Variants in RB1 observed in about 807,000 individuals in gnomAD.
The protein encoded by RB1 is RB transcriptional corepressor 1, also known as retinoblastoma-associated protein.
Under a neutral mutation model 135.4 loss-of-function variants are expected in RB1, and 18 were observed. That is an observed-to-expected ratio of 0.13 (90% CI 0.09 to 0.20). The LOEUF is 0.20. Among genes scored for constraint, RB1 ranks in the 10% least tolerant of loss-of-function variants. The pLI, the probability that RB1 is intolerant of heterozygous loss-of-function variation, is 1.00. For synonymous variants in RB1, 365 were observed against 373.2 expected, an observed-to-expected ratio of 0.98 and a Z score of 0.25; for missense variants, 868 against 1,110.0, an observed-to-expected ratio of 0.78 and a Z score of 3.10.
intron 2 of RB1, among the ~76,000 whole-genome samples, chr13:48,320,837 G>GAAAAAA (rs531135502): frequency 9.2e-6 from 1 of 108,898 alleles, no homozygotes; most frequent in Non-Finnish European, 2.0e-5. Flanking sequence ...TCTCAAAAAA[G>GAAAAAA]AAAAAAAAAA....
chr13:48,322,761 G>T (rs1346859392), intron 2 of RB1, among the ~76,000 whole-genome samples: 2 of 152,094 alleles, frequency 1.3e-5, no homozygotes, highest in African/African-American at 4.8e-5. Flanking sequence ...TGATTTTTCT[G>T]CTTCTATTGA....
Position 48,320,003 on chromosome 13 carries a change from G to A in RB1, c.264+12597G>A, listed in dbSNP as rs1952220525. On this transcript the variant is annotated intron_variant, in intron 2 of 26. Transcript: ENST00000267163. The stretch of plus-strand genomic sequence containing the variant: ...TCTACTGCCACTGCCTGCAGCCCTG[G>A]AAGGCTGGGCTGCGCCTGGCTGGCC... 4 of 434,142 alleles carry A rather than the reference G, an allele frequency of 9.2e-6. No individual in the cohort carries two copies. In the Admixed American group the frequency reaches 1.3e-4, roughly 14 times the overall value. 26.9% of individuals were successfully genotyped at this position (434,142 alleles called of 1,614,324 possible).
intron 9 of RB1, among the ~76,000 whole-genome samples, chr13:48,366,944 C>T (rs1193519716): frequency 6.6e-6 from 1 of 151,912 alleles, no homozygotes; most frequent in Admixed American, 6.6e-5. Flanking sequence ...CATGGCGAAA[C>T]CCCGTCTCTA....
chr13:48,396,623 C>G (rs1468007324), intron 17 of RB1, among the ~76,000 whole-genome samples: 1 of 152,136 alleles, frequency 6.6e-6, no homozygotes, highest in Non-Finnish European at 1.5e-5. Flanking sequence ...AAAGCAATGG[C>G]AACAAAAGCC....
intron 2 of RB1, among the ~76,000 whole-genome samples, chr13:48,326,036 A>G (rs1035968760): frequency 2.6e-5 from 4 of 151,954 alleles, no homozygotes; most frequent in African/African-American, 7.3e-5. Context: ...TTCTCTATCC[A>G]TTGCACTCTA....
chr13:48,401,356 CAAA>C (rs1193315388), intron 17 of RB1: 4 of 152,016 alleles, frequency 2.6e-5, no homozygotes, highest in Non-Finnish European at 5.9e-5. Flanking sequence ...ATGCAAGAAA[CAAA>C]GAAGAGAAAT....
chr13:48,432,015 A>T (rs1276324322), intron 17 of RB1, among the ~76,000 whole-genome samples: 2 of 152,200 alleles, frequency 1.3e-5, no homozygotes, highest in Admixed American at 1.3e-4. Context: ...TGGAGAAGAC[A>T]ATCAATAAAT....
intron 2 of RB1, chr13:48,320,303 C>G: frequency 8.1e-7 from 1 of 1,240,434 alleles, no homozygotes; most frequent in Non-Finnish European, 1.2e-6. Flanking sequence ...CGAGCAACCC[C>G]GCTGCGCTGC....
rs4151421 is a variant in RB1 at position 48,305,600 on chromosome 13, C to A, written c.137+1551C>A. Among the ~76,000 whole-genome samples the A allele has an allele frequency of 5.5e-3, 836 of 152,250 alleles. 5 individuals carry two copies. Among genetic ancestry groups the A allele is most frequent in the Middle Eastern group, 0.01 (3 of 294 alleles). Reference sequence around the variant, plus strand: ...CTGCTTGGAAAAAAGAGGACTGTTTCTTTCATTTTTTAACTCATTTTATAT... The same window carrying A: ...CTGCTTGGAAAAAAGAGGACTGTTTATTTCATTTTTTAACTCATTTTATAT... On this transcript the variant is annotated intron_variant, in intron 1 of 26. Coordinates refer to ENST00000267163, the MANE Select transcript of RB1 (RefSeq NM_000321.3).
intron 17 of RB1, among the ~76,000 whole-genome samples, chr13:48,420,100 G>C (rs1010096925): frequency 6.6e-6 from 1 of 152,092 alleles, no homozygotes; most frequent in Non-Finnish European, 1.5e-5. Flanking sequence ...GAAAATTTCG[G>C]CCAATATCCT....
intron 17 of RB1, among the ~76,000 whole-genome samples, chr13:48,434,571 C>G (rs1031430058): frequency 3.9e-5 from 6 of 152,132 alleles, no homozygotes; most frequent in Non-Finnish European, 8.8e-5. Flanking sequence ...TTTAACCCTA[C>G]AGCCGAGACT....
chr13:48,342,785 A>G, intron 3 of RB1, 71 bp downstream of exon 3: 2 of 1,078,226 alleles, frequency 1.9e-6, no homozygotes, highest in Non-Finnish European at 2.8e-6. Context: ...CTCTCAATAG[A>G]CTTTTGTGAA....
chr13:48,372,387 G>A (rs1371732325), intron 11 of RB1, among the ~76,000 whole-genome samples: 6 of 152,212 alleles, frequency 3.9e-5, no homozygotes, highest in African/African-American at 1.4e-4. Flanking sequence ...GAGGCTGGGT[G>A]TGGTGGCTCA....
chr13:48,320,377 T>C, intron 2 of RB1: 1 of 1,208,224 alleles, frequency 8.3e-7, no homozygotes. Context: ...CTCGTCAGCC[T>C]CCGAGAAGCA....
intron 1 of RB1, among the ~76,000 whole-genome samples, chr13:48,306,003 C>T (rs1350329003): frequency 3.3e-5 from 5 of 152,172 alleles, no homozygotes; most frequent in African/African-American, 7.2e-5. Flanking sequence ...GGTGTGATGG[C>T]GCGTACCTGT....
chr13:48,358,483 G>A (rs1308737667), intron 6 of RB1, among the ~76,000 whole-genome samples: 3 of 152,054 alleles, frequency 2.0e-5, no homozygotes, highest in Admixed American at 6.6e-5. Context: ...AGGAGGTAAG[G>A]GAGAAAGTAG....
chr13:48,376,926 A>G lies in RB1; in HGVS notation c.1224A>G (p.Thr408=), dbSNP rs371805499. 1.3e-5 allele frequency: 21 copies of G among 1,613,574 alleles called. No homozygotes were observed. In the African/African-American group the frequency reaches 2.8e-4, roughly 22 times the overall value. The change falls in exon 13 of 27, where the codon ACA becomes ACG. Residue 408 remains threonine, a synonymous_variant. Coordinates refer to ENST00000267163, the MANE Select transcript of RB1 (RefSeq NM_000321.3). ...ENLISYFNNC[T]VNPKESILKR... ...GTTTTTACCTCCTAAAGAACTGCAC[A>G]GTGAATCCAAAAGAAAGTATACTGA...
Position 48,319,909 on chromosome 13 carries a change from G to T in RB1, c.264+12503G>T. 2.9e-6 allele frequency: 1 copy of T among 341,152 alleles called. No individual in the cohort carries two copies. Among genetic ancestry groups the T allele is most frequent in the South Asian group, 3.5e-5 (1 of 28,256 alleles). 21.1% of individuals were successfully genotyped at this position (341,152 alleles called of 1,614,324 possible). On this transcript the variant is annotated intron_variant, in intron 2 of 26. Coordinates refer to ENST00000267163, the MANE Select transcript of RB1 (RefSeq NM_000321.3). This position sits in a 1 kb window ranked among gnomAD's most constrained non-coding sequence, Gnocchi z 5.0. ...CACCTGGCTGCCAGGGCCACCACCT[G>T]AGCCAGGTACAAGTTTTGGGGGGAC...
intron 12 of RB1, among the ~76,000 whole-genome samples, chr13:48,374,659 C>A (rs975120727): frequency 2.0e-5 from 3 of 152,186 alleles, no homozygotes; most frequent in Non-Finnish European, 4.4e-5. Flanking sequence ...TTACCTAAAC[C>A]TTTTAGCAAG....
Sources: allele counts gnomAD v4.1 joint callset (sites outside exome capture counted in the v4.1 genomes callset), GRCh38; gene constraint gnomAD v4.1.1; non-coding constraint Gnocchi (gnomAD v3.1); transcripts MANE v1.5; gene names NCBI Gene and HGNC (gene_info 2026-07-23, HGNC 2026-07-21).